The following NR2F1-AS1 variants were observed in gnomAD, a reference collection of about 807,000 sequenced individuals.
NR2F1-AS1 encodes the protein NR2F1 antisense RNA 1.
At chr5:93,418,234 C>T (rs894825173) in intron 4 of NR2F1-AS1, among the ~76,000 whole-genome samples, 9 of 152,104 alleles carry the variant, frequency 5.9e-5, no homozygotes, top group African/African-American at 1.4e-4. Context: ...GCCAGCTTGC[C>T]GAGGACCAGC....
intron 4 of NR2F1-AS1, among the ~76,000 whole-genome samples, chr5:93,436,016 A>C (rs1248033781): frequency 2.0e-5 from 3 of 152,184 alleles, no homozygotes; most frequent in African/African-American, 7.2e-5. Context: ...CTTCTGTATC[A>C]CTTTATTATA....
chr5:93,571,773 A>G (rs1752774168), intron 1 of NR2F1-AS1, among the ~76,000 whole-genome samples: 1 of 151,792 alleles, frequency 6.6e-6, no homozygotes, highest in South Asian at 2.1e-4. Context: ...CTTTTTCCAA[A>G]GGTAAAACAA....
intron 4 of NR2F1-AS1, among the ~76,000 whole-genome samples, chr5:93,474,047 C>T (rs1232205433): frequency 6.6e-6 from 1 of 151,834 alleles, no homozygotes; most frequent in Non-Finnish European, 1.5e-5. Context: ...ATATTATTAA[C>T]CAGAACATAA....
chr5:93,461,752 G>A (rs980806786), intron 4 of NR2F1-AS1, among the ~76,000 whole-genome samples: 1 of 152,146 alleles, frequency 6.6e-6, no homozygotes, highest in East Asian at 1.9e-4. Flanking sequence ...CTACAGATGG[G>A]CCACCAAAGC....
At chr5:93,563,603 G>T (rs191219767) in intron 1 of NR2F1-AS1, 36 of 152,228 alleles carry the variant, frequency 2.4e-4, no homozygotes, top group Admixed American at 1.9e-3. Context: ...AGACAGAAAT[G>T]AAAGAAAGTA....
At chr5:93,453,308 C>T (rs1396023620) in intron 4 of NR2F1-AS1, among the ~76,000 whole-genome samples, 1 of 151,836 alleles carries the variant, frequency 6.6e-6, no homozygotes, top group Non-Finnish European at 1.5e-5. Context: ...TCTCAGGTAC[C>T]TGTACGACCA....
chr5:93,518,358 G>A (rs1751438462), intron 4 of NR2F1-AS1, among the ~76,000 whole-genome samples: 4 of 151,906 alleles, frequency 2.6e-5, no homozygotes, highest in Admixed American at 2.6e-4. Context: ...GTAGTGTATT[G>A]GATTACTACA....
chr5:93,461,544 A>G (rs1033062731), intron 4 of NR2F1-AS1, among the ~76,000 whole-genome samples: 6 of 152,230 alleles, frequency 3.9e-5, no homozygotes, highest in African/African-American at 1.4e-4. Flanking sequence ...ACAGGGGCTC[A>G]AAATAGAAAC....
At chr5:93,489,006 C>A (rs2149879017) in intron 4 of NR2F1-AS1, among the ~76,000 whole-genome samples, 1 of 152,154 alleles carries the variant, frequency 6.6e-6, no homozygotes, top group South Asian at 2.1e-4. Context: ...GAACAGAAAA[C>A]CAAACACCAC....
chr5:93,493,049 C>T (rs538394561), intron 4 of NR2F1-AS1, among the ~76,000 whole-genome samples: 20 of 151,924 alleles, frequency 1.3e-4, no homozygotes, highest in Middle Eastern at 6.8e-3. Context: ...AGGAATGATT[C>T]CAGAAAAAGA....
chr5:93,532,688 A>G (rs1229528087), intron 4 of NR2F1-AS1, among the ~76,000 whole-genome samples: 2 of 152,370 alleles, frequency 1.3e-5, no homozygotes, highest in East Asian at 1.9e-4. Context: ...TTGGCAGGAC[A>G]TATCCAGGTC....
At position 93,411,706 on chromosome 5, in the gene NR2F1-AS1, C is replaced by T. The variant is rs182436932; in HGVS notation, n.639-16164G>A. 3.9e-5 allele frequency among the ~76,000 whole-genome samples: 6 copies of T among 152,092 alleles called. No individual in the cohort carries two copies. The East Asian group carries it at 1.2e-3, about 29-fold the overall frequency. On this transcript the variant is annotated intron_variant and non_coding_transcript_variant, in intron 4 of 5. Coordinates refer to ENST00000660523, the Ensembl canonical transcript of NR2F1-AS1. Reference sequence around the variant, plus strand: ...TAATGACTTTGAAATCCATCTCACCCCCAGGCACAGATCCAAGCCTAAGGA... The same window carrying T: ...TAATGACTTTGAAATCCATCTCACCTCCAGGCACAGATCCAAGCCTAAGGA...
At chr5:93,454,846 G>A (rs749659373) in intron 4 of NR2F1-AS1, among the ~76,000 whole-genome samples, 2 of 152,110 alleles carry the variant, frequency 1.3e-5, no homozygotes, top group Non-Finnish European at 2.9e-5. Flanking sequence ...GTGCCTGGAG[G>A]GTGGTGCACC....
chr5:93,444,307 T>C (rs934014790), intron 4 of NR2F1-AS1, among the ~76,000 whole-genome samples: 2 of 152,094 alleles, frequency 1.3e-5, no homozygotes, highest in East Asian at 3.9e-4. Flanking sequence ...AGGAGACTCA[T>C]CTCAGGTGCA....
chr5:93,430,837 G>C (rs1561432973), intron 4 of NR2F1-AS1, among the ~76,000 whole-genome samples: 1 of 132,460 alleles, frequency 7.5e-6, no homozygotes, highest in Admixed American at 7.2e-5. Flanking sequence ...GAGCCTTTTT[G>C]TGTTGTCACT....
intron 4 of NR2F1-AS1, among the ~76,000 whole-genome samples, chr5:93,480,970 A>G (rs1425322467): frequency 6.6e-6 from 1 of 152,118 alleles, no homozygotes; most frequent in Non-Finnish European, 1.5e-5. Flanking sequence ...CAAAAAAGAC[A>G]TGATATATAG....
At chr5:93,494,656 C>G (rs1214258870) in intron 4 of NR2F1-AS1, among the ~76,000 whole-genome samples, 2 of 152,024 alleles carry the variant, frequency 1.3e-5, no homozygotes, top group East Asian at 3.9e-4. Flanking sequence ...AAATAAGAAC[C>G]CTGGTAACTT....
At chr5:93,561,778 AC>A (rs915678823) in intron 2 of NR2F1-AS1, among the ~76,000 whole-genome samples, 5 of 152,088 alleles carry the variant, frequency 3.3e-5, no homozygotes, top group Non-Finnish European at 7.4e-5. Flanking sequence ...CAAAAAAAAA[AC>A]AAAACAAATT....
chr5:93,579,130 T>C lies in NR2F1-AS1; in HGVS notation n.313+1337A>G, dbSNP rs1020988469. On this transcript the variant is annotated intron_variant and non_coding_transcript_variant, in intron 1 of 5. Coordinates refer to ENST00000660523, the Ensembl canonical transcript of NR2F1-AS1. The surrounding 1 kb of genome is among the most constrained non-coding windows in gnomAD (Gnocchi z 5.1). The stretch of plus-strand genomic sequence containing the variant: ...CTAAGTGCCACTCAGGCCGGACGAG[T>C]TCCAGAGGGGGACAGCGCCCTCCTC... 6.6e-6 allele frequency among the ~76,000 whole-genome samples: 1 copy of C among 151,928 alleles called. No homozygotes were observed. The highest frequency in any genetic ancestry group is 1.5e-5 in the Non-Finnish European group (1 of 67,978).
Sources: gnomAD v4.1 joint callset for allele counts (sites outside exome capture counted in the v4.1 genomes callset) on GRCh38, gnomAD v4.1.1 for gene constraint, Gnocchi (gnomAD v3.1) non-coding constraint, MANE v1.5 for transcripts, NCBI Gene and HGNC (gene_info 2026-07-23, HGNC 2026-07-21) for gene names.